Variants in MKLN1 observed in about 807,000 individuals in gnomAD.
MKLN1 encodes muskelin.
Under a neutral mutation model 99.0 loss-of-function variants are expected in MKLN1, and 18 were observed. The ratio of observed to expected loss-of-function variants is 0.18; its 90% CI spans 0.13 to 0.27. MKLN1 has a LOEUF of 0.27. Ranked by LOEUF, MKLN1 falls within the 10% of genes least tolerant of loss-of-function variation. The pLI is 1.00. For missense variants in MKLN1, 621 were observed against 875.9 expected (o/e 0.71, Z 3.67); for synonymous variants, 288 against 293.2 (o/e 0.98, Z 0.18).
At chr7:131,454,908 G>A (rs573598201) in intron 12 of MKLN1, among the ~76,000 whole-genome samples, 4 of 152,308 alleles carry the variant, frequency 2.6e-5, no homozygotes, top group South Asian at 4.1e-4. Flanking sequence ...ATTGCAGAAA[G>A]TTAACCTAGC....
intron 12 of MKLN1, among the ~76,000 whole-genome samples, chr7:131,449,709 C>G (rs909517436): frequency 2.0e-5 from 3 of 151,778 alleles, no homozygotes; most frequent in Non-Finnish European, 2.9e-5. Flanking sequence ...CCTTCCCATT[C>G]TTTTTCCCAT....
intron 13 of MKLN1, 46 bp from the exon 14 acceptor site, chr7:131,464,248 C>A: frequency 8.2e-7 from 1 of 1,219,700 alleles, no homozygotes; most frequent in Non-Finnish European, 1.2e-6. Flanking sequence ...GTTGTATTAT[C>A]TTTGCTGCTA....
intron 1 of MKLN1, among the ~76,000 whole-genome samples, chr7:131,370,867 G>T (rs1793419717): frequency 6.6e-6 from 1 of 152,136 alleles, no homozygotes; most frequent in South Asian, 2.1e-4. Flanking sequence ...TTAAAGATCT[G>T]AGCCTGGCCT....
Position 131,243,394 on chromosome 7 carries a change from C to T in MKLN1, c.-179+40420C>T, listed in dbSNP as rs78323378. On this transcript the variant is annotated intron_variant, in intron 3 of 7. Transcript: ENST00000416992. ...CCGGCCTTTGTAATAATGTGTGAACCTGGACTCTGCAAACTCAAAACCTCA... is the reference window on the plus strand; with the variant it reads ...CCGGCCTTTGTAATAATGTGTGAACTTGGACTCTGCAAACTCAAAACCTCA... Among the ~76,000 whole-genome samples the T allele has an allele frequency of 8.1e-3, 1,236 of 152,244 alleles. 14 individuals are homozygous for T. Among genetic ancestry groups the T allele is most frequent in the African/African-American group, 0.028 (1,178 of 41,532 alleles).
At chr7:131,458,524 AC>A (rs939908596) in intron 12 of MKLN1, among the ~76,000 whole-genome samples, 2 of 152,106 alleles carry the variant, frequency 1.3e-5, no homozygotes, top group African/African-American at 4.8e-5. Flanking sequence ...TAGAGAAGAA[AC>A]TATTCTATAT....
intron 3 of MKLN1, among the ~76,000 whole-genome samples, chr7:131,248,472 T>C (rs1437923638): frequency 1.3e-5 from 2 of 152,184 alleles, no homozygotes; most frequent in African/African-American, 4.8e-5. Flanking sequence ...TTATTGACTC[T>C]CATCCATTTG....
rs993985655 is a variant in MKLN1, at chr7:131,450,608, C to T, written c.1525+4705C>T. 3.3e-5 allele frequency among the ~76,000 whole-genome samples: 5 copies of T among 152,120 alleles called. No individual in the cohort carries two copies. The East Asian group carries it at 5.8e-4, about 18-fold the overall frequency. ...TCTTCTTGCCACCAACTCTGTTTCA[C>T]GACCACCGAATATTAAATCTTTATA... On this transcript the variant is annotated intron_variant, in intron 12 of 17. Coordinates refer to ENST00000352689, the MANE Select transcript of MKLN1 (RefSeq NM_013255.5).
At chr7:131,239,339 G>A (rs1797368326) in intron 3 of MKLN1, among the ~76,000 whole-genome samples, 1 of 150,514 alleles carries the variant, frequency 6.6e-6, no homozygotes, top group Non-Finnish European at 1.5e-5. Flanking sequence ...TTCAGACAGG[G>A]TCTCACTCTG....
rs557352397 is a variant in MKLN1 at position 131,438,071 on chromosome 7, A to G, written c.1173+74A>G. 3.0e-5 allele frequency: 35 copies of G among 1,185,110 alleles called. No homozygotes were observed. In the African/African-American group the frequency reaches 4.2e-4, roughly 14 times the overall value. The allele number at this position is 1,185,110 out of a possible 1,614,324, so 73.4% of individuals were successfully genotyped here. ...TTCTTGCAATTAGAGTTTATGTTAG[A>G]TGTTATGCTGAGTTGTCCAGTAGTG... is the stretch of plus-strand genomic sequence containing the variant. On this transcript the variant is annotated intron_variant, in intron 10 of 17. Transcript: ENST00000352689.
intron 3 of MKLN1, among the ~76,000 whole-genome samples, chr7:131,307,781 G>A (rs1469314288): frequency 6.6e-6 from 1 of 152,210 alleles, no homozygotes; most frequent in Non-Finnish European, 1.5e-5. Context: ...CTCCTAGGCA[G>A]AAGGGACTTA....
chr7:131,165,529 G>A (rs561068019), intron 2 of MKLN1, among the ~76,000 whole-genome samples: 15 of 152,234 alleles, frequency 9.9e-5, no homozygotes, highest in African/African-American at 3.4e-4. Flanking sequence ...AAGTGGAGAC[G>A]ATGTAAGCAA....
At chr7:131,450,826 C>T (rs1396353765) in intron 12 of MKLN1, among the ~76,000 whole-genome samples, 2 of 152,188 alleles carry the variant, frequency 1.3e-5, no homozygotes, top group African/African-American at 2.4e-5. Flanking sequence ...TGGCTCTAGC[C>T]ATCATTGTTA....
chr7:131,211,843 G>A (rs577218699), intron 3 of MKLN1, among the ~76,000 whole-genome samples: 1 of 152,172 alleles, frequency 6.6e-6, no homozygotes, highest in African/African-American at 2.4e-5. Flanking sequence ...AAGTGGCTTA[G>A]GTCAAAATAT....
chr7:131,322,124 T>C (rs1584599968), intron 3 of MKLN1, among the ~76,000 whole-genome samples: 1 of 152,238 alleles, frequency 6.6e-6, no homozygotes, highest in South Asian at 2.1e-4. Context: ...ATTATACCAC[T>C]GGATGGGGTG....
chr7:131,331,999 A>T (rs972830117), intron 1 of MKLN1, among the ~76,000 whole-genome samples: 8 of 152,178 alleles, frequency 5.3e-5, no homozygotes, highest in African/African-American at 1.9e-4. Flanking sequence ...ATTACTTAAA[A>T]TCAAATAGTA....
rs1797033125 is a variant in MKLN1, at chr7:131,478,625, T to C, written c.2034T>C (p.Phe678=). 6.8e-7 allele frequency: 1 copy of C among 1,461,504 alleles called. No individual in the cohort carries two copies. The highest frequency in any genetic ancestry group is 9.0e-7 in the Non-Finnish European group (1 of 1,108,300). 90.5% of individuals were successfully genotyped at this position (1,461,504 alleles called of 1,614,324 possible). A position where few individuals can be genotyped will look rare whatever the true frequency, so the allele number is the denominator to read the frequency against. The change falls in exon 17 of 18, where the codon TTT becomes TTC. Residue 678 remains phenylalanine, a splice_region_variant and synonymous_variant. Coordinates refer to ENST00000352689, the MANE Select transcript of MKLN1 (RefSeq NM_013255.5). The part of the protein sequence containing the change: ...DHSDPEETKE[F]QLLASALFKS... ...TTTTTTTTTTTTTTTTTAAACAGTTTCAGCTCCTGGCATCAGCTCTATTCA... is the reference window on the plus strand; with the variant it reads ...TTTTTTTTTTTTTTTTTAAACAGTTCCAGCTCCTGGCATCAGCTCTATTCA...
At chr7:131,321,160 C>G (rs1798766865) in intron 3 of MKLN1, among the ~76,000 whole-genome samples, 2 of 152,244 alleles carry the variant, frequency 1.3e-5, no homozygotes, top group Admixed American at 1.3e-4. Context: ...TTTACAATAG[C>G]AAAGACTTGG....
At position 131,221,635 on chromosome 7, in the gene MKLN1, G is replaced by A. The variant is rs556303343; in HGVS notation, c.-179+18661G>A. 3.3e-5 allele frequency among the ~76,000 whole-genome samples: 5 copies of A among 150,580 alleles called. No homozygotes were observed. The East Asian group carries it at 9.8e-4, about 30-fold the overall frequency. Reference sequence around the variant, plus strand: ...TGATTCTCCTGCCTCAGCCTCCTGAGTAGCTGGGATTACAGGTGTGTGCCA... The same window carrying A: ...TGATTCTCCTGCCTCAGCCTCCTGAATAGCTGGGATTACAGGTGTGTGCCA... On this transcript the variant is annotated intron_variant, in intron 3 of 7. Transcript: ENST00000416992.
chr7:131,262,428 C>G (rs1258836256), intron 3 of MKLN1, among the ~76,000 whole-genome samples: 1 of 152,166 alleles, frequency 6.6e-6, no homozygotes, highest in African/African-American at 2.4e-5. Flanking sequence ...CAGAGCGAGA[C>G]TCCGTCTCAA....
Sources: gnomAD v4.1 joint callset for allele counts (sites outside exome capture counted in the v4.1 genomes callset) on GRCh38, gnomAD v4.1.1 for gene constraint, MANE v1.5 for transcripts, NCBI Gene and HGNC (gene_info 2026-07-23, HGNC 2026-07-21) for gene names.